The following LIFR variants were observed in gnomAD, a reference collection of about 807,000 sequenced individuals.
The protein encoded by LIFR is leukemia inhibitory factor receptor.
LIFR carries 84 observed loss-of-function variants against 122.2 expected under a neutral mutation model. The ratio of observed to expected loss-of-function variants is 0.69; its 90% CI spans 0.58 to 0.82. The LOEUF is 0.82. Among genes scored for constraint, LIFR ranks in the 40% least tolerant of loss-of-function variants. The pLI, the probability that LIFR is intolerant of heterozygous loss-of-function variation, is 0.00. For missense variants in LIFR, 1,294 were observed against 1,311.6 expected (o/e 0.99, Z 0.21); for synonymous variants, 422 against 434.7 (o/e 0.97, Z 0.36).
chr5:38,547,551 G>A (rs1024613102), intron 1 of LIFR, among the ~76,000 whole-genome samples: 11 of 151,906 alleles, frequency 7.2e-5, no homozygotes, highest in Non-Finnish European at 2.9e-5. Context: ...ATTCCAAGAC[G>A]TATCTTTCAC....
intron 9 of LIFR, among the ~76,000 whole-genome samples, chr5:38,505,306 G>A (rs1745408073): frequency 6.6e-6 from 1 of 151,964 alleles, no homozygotes; most frequent in African/African-American, 2.4e-5. Context: ...TGCTGGAAGG[G>A]CAACATGAGC....
chr5:38,526,741 T>C (rs941950356), intron 4 of LIFR, among the ~76,000 whole-genome samples: 1 of 152,186 alleles, frequency 6.6e-6, no homozygotes, highest in African/African-American at 2.4e-5. Context: ...ATGCTACCAA[T>C]ACATTACATG....
Position 38,477,159 on chromosome 5 carries a change from G to A in LIFR, c.*4436C>T, listed in dbSNP as rs369779516. On this transcript the variant is annotated 3_prime_UTR_variant, in exon 20 of 20. Coordinates refer to ENST00000453190, the MANE Select transcript of LIFR (RefSeq NM_001127671.2). ...CATGTAATAATTAATAGCACTAATT[G>A]AAAAGGAATAAAAAAATCTAACCAC... The A allele has an allele frequency of 1.8e-4, 40 of 220,592 alleles. No homozygotes were observed. Among genetic ancestry groups the A allele is most frequent in the African/African-American group, 7.1e-4 (32 of 44,796 alleles). The allele number at this position is 220,592 out of a possible 1,614,324, so 13.7% of individuals were successfully genotyped here.
chr5:38,503,995 G>C lies in LIFR; in HGVS notation c.1418C>G (p.Ser473Cys), dbSNP rs1168601695. 1.3e-6 allele frequency: 2 copies of C among 1,580,068 alleles called. No individual in the cohort carries two copies. Among genetic ancestry groups the C allele is most frequent in the Non-Finnish European group, 1.7e-6 (2 of 1,149,536 alleles). ...TCTTACCTGCTCTTGTACTGAATTA[G>C]ATTTCTTAATTTCAATTTCACATAA... is the stretch of plus-strand genomic sequence containing the variant. ...NFLCEIEIKK[S>C]NSVQEQRNVT... The change falls in exon 10 of 20, where the codon TCT (serine) becomes TGT (cysteine). Residue 473 changes from serine to cysteine, a missense_variant. Ser to Cys is a moderately radical substitution (Grantham distance 112). Coordinates refer to ENST00000453190, the MANE Select transcript of LIFR (RefSeq NM_001127671.2).
Position 38,479,122 on chromosome 5 carries a change from A to C in LIFR, c.*2473T>G, listed in dbSNP as rs1743856030. 4.3e-6 allele frequency: 1 copy of C among 232,092 alleles called. No individual in the cohort carries two copies. The allele number at this position is 232,092 out of a possible 1,614,324, so 14.4% of individuals were successfully genotyped here. The stretch of plus-strand genomic sequence containing the variant: ...CCGTGTTGTTACTCTCCCTACACAC[A>C]CAGGTTGGGGGGAGTAGAGGTAATA... On this transcript the variant is annotated 3_prime_UTR_variant, in exon 20 of 20. Transcript: ENST00000453190.
chr5:38,508,271 G>C (rs888882549), intron 7 of LIFR, among the ~76,000 whole-genome samples: 1 of 152,030 alleles, frequency 6.6e-6, no homozygotes, highest in Non-Finnish European at 1.5e-5. Context: ...CCAGTCAATA[G>C]AAAATGCAAT....
rs1314430891 is a variant in LIFR at position 38,506,500 on chromosome 5, T to C, written c.1121+3A>G. 6.2e-7 allele frequency: 1 copy of C among 1,614,114 alleles called. No homozygotes were observed. Among genetic ancestry groups the C allele is most frequent in the East Asian group, 2.2e-5 (1 of 44,866 alleles). Reference sequence around the variant, plus strand: ...TCTGACATCTTTTCCCAGTTATCATTACCTTTCAACTAAAGTGTAGCTTGT... The same window carrying C: ...TCTGACATCTTTTCCCAGTTATCATCACCTTTCAACTAAAGTGTAGCTTGT... On this transcript the variant is annotated splice_donor_region_variant and intron_variant, in intron 8 of 19. Coordinates refer to ENST00000453190, the MANE Select transcript of LIFR (RefSeq NM_001127671.2).
chr5:38,510,379 A>AC (rs34968906), intron 7 of LIFR, 85 bp downstream of exon 7: 23 of 1,059,864 alleles, frequency 2.2e-5, no homozygotes, highest in African/African-American at 1.7e-4. Flanking sequence ...CACTCCTCCC[A>AC]CCCCCCCACT....
rs572954936 is a variant in LIFR, at chr5:38,517,856, CAAAAAAAA to C, written c.561+5555_561+5562del. On this transcript the variant is annotated intron_variant, in intron 5 of 19. Coordinates refer to ENST00000453190, the MANE Select transcript of LIFR (RefSeq NM_001127671.2). ...TGTGCAACAGAGCAAGACACTGTCT[CAAAAAAAA>C]AAAAAAAAAAAAAAAAAGGATGGGC... 2.1e-3 allele frequency among the ~76,000 whole-genome samples: 32 copies of C among 15,046 alleles called. 1 individual carries two copies. The highest frequency in any genetic ancestry group is 0.013 in the African/African-American group (30 of 2,252). 9.9% of individuals were successfully genotyped at this position (15,046 alleles called of 152,430 possible).
chr5:38,485,392 C>G (rs1449368685), intron 17 of LIFR, among the ~76,000 whole-genome samples: 1 of 152,140 alleles, frequency 6.6e-6, no homozygotes, highest in African/African-American at 2.4e-5. Flanking sequence ...TTCTTTACCG[C>G]AGAAAGATAG....
chr5:38,524,987 T>G (rs1264509254), intron 4 of LIFR, among the ~76,000 whole-genome samples: 3 of 152,134 alleles, frequency 2.0e-5, no homozygotes, highest in African/African-American at 7.2e-5. Flanking sequence ...TGTTAATATC[T>G]GAGAAAGAAG....
chr5:38,528,609 G>A, intron 3 of LIFR, 117 bp downstream of exon 3: 2 of 745,918 alleles, frequency 2.7e-6, no homozygotes. Flanking sequence ...AGACTCTGCT[G>A]GACACAGAAC....
intron 1 of LIFR, among the ~76,000 whole-genome samples, chr5:38,562,062 GA>G: frequency 6.6e-6 from 1 of 152,148 alleles, no homozygotes; most frequent in East Asian, 1.9e-4. Context: ...CCGCAAATGT[GA>G]AGACAGCCAG....
chr5:38,511,301 T>C (rs975858328), intron 6 of LIFR, among the ~76,000 whole-genome samples: 2 of 152,152 alleles, frequency 1.3e-5, no homozygotes, highest in Non-Finnish European at 1.5e-5. Flanking sequence ...TTTCATTTTA[T>C]GGTCAACAAT....
intron 1 of LIFR, among the ~76,000 whole-genome samples, chr5:38,586,491 C>T (rs1379302336): frequency 6.6e-6 from 1 of 152,142 alleles, no homozygotes; most frequent in African/African-American, 2.4e-5. Flanking sequence ...TTTCATTATT[C>T]ATGTAGAAGC....
At chr5:38,567,356 C>A (rs537450903) in intron 1 of LIFR, among the ~76,000 whole-genome samples, 1 of 152,086 alleles carries the variant, frequency 6.6e-6, no homozygotes, top group Admixed American at 6.6e-5. Context: ...ATTGCTGTTA[C>A]ATGAGCCAAT....
chr5:38,480,714 C>A lies in LIFR; in HGVS notation c.*881G>T, dbSNP rs1743942919. On this transcript the variant is annotated 3_prime_UTR_variant, in exon 20 of 20. Coordinates refer to ENST00000453190, the MANE Select transcript of LIFR (RefSeq NM_001127671.2). ...CTCACATAGTAAGTCACTGGAATTACATGCTTATGAATAATATTGAATTTG... is the reference window on the plus strand; with the variant it reads ...CTCACATAGTAAGTCACTGGAATTAAATGCTTATGAATAATATTGAATTTG... 4.8e-6 allele frequency: 1 copy of A among 209,992 alleles called. No individual in the cohort carries two copies. The highest frequency in any genetic ancestry group is 5.9e-5 in the Admixed American group (1 of 16,956). The allele number at this position is 209,992 out of a possible 1,614,324, so 13.0% of individuals were successfully genotyped here.
chr5:38,580,825 A>G (rs1250889396), intron 1 of LIFR, among the ~76,000 whole-genome samples: 1 of 152,010 alleles, frequency 6.6e-6, no homozygotes, highest in Non-Finnish European at 1.5e-5. Flanking sequence ...CCTCATGCCC[A>G]CCTTCAGCCT....
At chr5:38,544,165 C>T (rs1580155742) in intron 1 of LIFR, among the ~76,000 whole-genome samples, 1 of 152,146 alleles carries the variant, frequency 6.6e-6, no homozygotes. Flanking sequence ...TTTGCCTGAA[C>T]TGCTATAAGA....
Sources: allele counts gnomAD v4.1 joint callset (sites outside exome capture counted in the v4.1 genomes callset), GRCh38; gene constraint gnomAD v4.1.1; transcripts MANE v1.5; gene names NCBI Gene and HGNC (gene_info 2026-07-23, HGNC 2026-07-21).